The following CNTN5 variants were observed in gnomAD, a reference collection of about 807,000 sequenced individuals.
CNTN5 encodes contactin-5.
CNTN5 carries 77 observed loss-of-function variants against 129.1 expected under a neutral mutation model. The observed-to-expected ratio is 0.60, with a 90% CI of 0.50 to 0.72. The LOEUF (loss-of-function observed/expected upper bound fraction) is 0.72, where lower values mean the gene tolerates loss of function less well. Ranked by LOEUF, CNTN5 falls within the 30% of genes least tolerant of loss-of-function variation. The pLI, the probability that CNTN5 is intolerant of heterozygous loss-of-function variation, is 0.00. For synonymous variants in CNTN5, 509 were observed against 465.6 expected (o/e 1.09, Z -1.20); for missense variants, 1,478 against 1,328.8 (o/e 1.11, Z -1.75).
chr11:99,151,505 C>G (rs1326267446), intron 1 of CNTN5, among the ~76,000 whole-genome samples: 2 of 152,034 alleles, frequency 1.3e-5, no homozygotes, highest in African/African-American at 2.4e-5. Context: ...AAATTTGTAG[C>G]CATGAGTATA....
At chr11:99,886,247 A>C (rs533999219) in intron 6 of CNTN5, among the ~76,000 whole-genome samples, 1 of 152,178 alleles carries the variant, frequency 6.6e-6, no homozygotes, top group South Asian at 2.1e-4. Context: ...ATTCAGCATA[A>C]AAATGTACAT....
At chr11:99,280,767 A>C (rs1397283447) in intron 1 of CNTN5, among the ~76,000 whole-genome samples, 2 of 151,850 alleles carry the variant, frequency 1.3e-5, no homozygotes, top group Non-Finnish European at 2.9e-5. Flanking sequence ...ACATAATCTA[A>C]AGTTAATAAT....
At chr11:99,694,236 T>A (rs1442833486) in intron 3 of CNTN5, among the ~76,000 whole-genome samples, 1 of 152,128 alleles carries the variant, frequency 6.6e-6, no homozygotes, top group East Asian at 1.9e-4. Context: ...TGTGCAAACT[T>A]CAGACAGTGA....
At chr11:99,596,442 G>A (rs1591336132) in intron 3 of CNTN5, among the ~76,000 whole-genome samples, 3 of 152,100 alleles carry the variant, frequency 2.0e-5, no homozygotes, top group Non-Finnish European at 2.9e-5. Context: ...TCTCTTATGT[G>A]AATCTCTTAT....
Position 99,658,759 on chromosome 11 carries a change from A to T in CNTN5, c.55+102490A>T, listed in dbSNP as rs953961793. Among the ~76,000 whole-genome samples, 7 of 150,246 alleles carry T rather than the reference A, an allele frequency of 4.7e-5. No individual in the cohort carries two copies. The South Asian group carries it at 8.3e-4, about 18-fold the overall frequency. On this transcript the variant is annotated intron_variant, in intron 3 of 24. Transcript: ENST00000524871. The stretch of plus-strand genomic sequence containing the variant: ...TAAAATTAGCCAGGCGCGGTGGCAC[A>T]TGCCTGTAATCCCAGCTACTAGGGA...
chr11:99,099,892 T>A (rs1314961870), intron 1 of CNTN5, among the ~76,000 whole-genome samples: 2 of 152,178 alleles, frequency 1.3e-5, no homozygotes, highest in Non-Finnish European at 2.9e-5. Context: ...GCATGTTATG[T>A]TACAAATCAC....
At chr11:99,306,128 C>G (rs1247228154) in intron 1 of CNTN5, among the ~76,000 whole-genome samples, 1 of 152,086 alleles carries the variant, frequency 6.6e-6, no homozygotes, top group African/African-American at 2.4e-5. Context: ...AACTATGTAA[C>G]TTAAGTAATA....
At position 99,039,456 on chromosome 11, in the gene CNTN5, A is replaced by C. The variant is rs539110768; in HGVS notation, c.-210+18186A>C. 4.6e-5 allele frequency among the ~76,000 whole-genome samples: 7 copies of C among 152,280 alleles called. No homozygotes were observed. In the South Asian group the frequency reaches 1.2e-3, roughly 27 times the overall value. On this transcript the variant is annotated intron_variant, in intron 1 of 24. Transcript: ENST00000524871. ...ATTTTTTCTATCACTAGACAAACTC[A>C]GAAAAGCCATGCTGCTCTTCATTGT...
intron 20 of CNTN5, among the ~76,000 whole-genome samples, chr11:100,306,343 G>A (rs1037453820): frequency 6.6e-6 from 1 of 151,618 alleles, no homozygotes; most frequent in Non-Finnish European, 1.5e-5. Context: ...AGTTGATAGA[G>A]AAATAATTCC....
intron 1 of CNTN5, among the ~76,000 whole-genome samples, chr11:99,272,671 AAATT>A (rs1209692898): frequency 1.3e-5 from 2 of 151,858 alleles, no homozygotes; most frequent in Non-Finnish European, 2.9e-5. Flanking sequence ...CACAATTTAA[AAATT>A]AATCTGTACC....
chr11:99,710,695 A>T (rs1954950657), intron 3 of CNTN5, among the ~76,000 whole-genome samples: 1 of 151,722 alleles, frequency 6.6e-6, no homozygotes, highest in African/African-American at 2.4e-5. Flanking sequence ...GGAGTAAAAA[A>T]ATGACTACAC....
chr11:99,917,951 C>G (rs971189219), intron 7 of CNTN5, among the ~76,000 whole-genome samples: 1 of 152,072 alleles, frequency 6.6e-6, no homozygotes, highest in Non-Finnish European at 1.5e-5. Context: ...AACTCATCTG[C>G]TTGACCAAGG....
intron 9 of CNTN5, among the ~76,000 whole-genome samples, chr11:100,054,614 A>T (rs1943121928): frequency 6.6e-6 from 1 of 151,814 alleles, no homozygotes; most frequent in Admixed American, 6.6e-5. Context: ...CTCATTCTCC[A>T]GTATGCATTC....
intron 2 of CNTN5, among the ~76,000 whole-genome samples, chr11:99,468,389 C>A (rs542527050): frequency 3.9e-5 from 6 of 152,090 alleles, no homozygotes; most frequent in Admixed American, 1.3e-4. Context: ...CTATCAGAAC[C>A]AAGAACATTG....
chr11:99,184,353 T>C (rs1391208611), intron 1 of CNTN5, among the ~76,000 whole-genome samples: 1 of 152,066 alleles, frequency 6.6e-6, no homozygotes, highest in Non-Finnish European at 1.5e-5. Flanking sequence ...TCACAGCTGC[T>C]ACTCCCTCTG....
chr11:99,904,193 A>T (rs946525515), intron 6 of CNTN5, among the ~76,000 whole-genome samples: 3 of 152,144 alleles, frequency 2.0e-5, no homozygotes, highest in African/African-American at 7.2e-5. Flanking sequence ...GGTTTGTAAC[A>T]TAGGTATACA....
chr11:99,957,076 G>T, intron 8 of CNTN5, 67 bp downstream of exon 8: 1 of 1,343,738 alleles, frequency 7.4e-7, no homozygotes. Flanking sequence ...GTATTAGTGT[G>T]TGTTTTTTTT....
chr11:99,359,627 A>T (rs966647004), intron 2 of CNTN5, among the ~76,000 whole-genome samples: 1 of 140,544 alleles, frequency 7.1e-6, no homozygotes, highest in Non-Finnish European at 1.5e-5. Flanking sequence ...ATATTTATTT[A>T]TATAAATATA....
chr11:99,123,778 T>A (rs1309678955), intron 1 of CNTN5, among the ~76,000 whole-genome samples: 1 of 152,082 alleles, frequency 6.6e-6, no homozygotes, highest in African/African-American at 2.4e-5. Flanking sequence ...TAGCCAGTTA[T>A]CCTAGCACAG....
Sources: gnomAD v4.1 joint callset for allele counts (sites outside exome capture counted in the v4.1 genomes callset) on GRCh38, gnomAD v4.1.1 for gene constraint, MANE v1.5 for transcripts, NCBI Gene and HGNC (gene_info 2026-07-23, HGNC 2026-07-21) for gene names.